Variants in ADARB2 observed in about 807,000 individuals in gnomAD.
The protein encoded by ADARB2 is inactive double-stranded RNA-specific editase B2.
In ADARB2, 25 loss-of-function variants were observed where a neutral mutation model predicts 62.2. The observed-to-expected ratio is 0.40, with a 90% CI of 0.29 to 0.56. ADARB2 has a LOEUF of 0.56. Ranked by LOEUF, ADARB2 falls within the 20% of genes least tolerant of loss-of-function variation. The pLI is 0.43. For missense variants in ADARB2, 1,071 were observed against 1,077.4 expected (o/e 0.99, Z 0.08); for synonymous variants, 572 against 500.8 (o/e 1.14, Z -1.90).
intron 1 of ADARB2, among the ~76,000 whole-genome samples, chr10:1,406,351 T>C (rs1832707862): frequency 6.6e-6 from 1 of 152,214 alleles, no homozygotes; most frequent in Non-Finnish European, 1.5e-5. Flanking sequence ...CTTGCCAAGG[T>C]ACCTGCTTTC....
intron 1 of ADARB2, among the ~76,000 whole-genome samples, chr10:1,619,652 A>G (rs1378311048): frequency 2.0e-5 from 3 of 152,158 alleles, no homozygotes; most frequent in Admixed American, 2.0e-4. Flanking sequence ...GGGTTTCACC[A>G]TGTTGGCCAG....
intron 1 of ADARB2, among the ~76,000 whole-genome samples, chr10:1,632,830 A>G (rs188203071): frequency 4.8e-4 from 73 of 152,308 alleles, no homozygotes; most frequent in African/African-American, 1.7e-3. Context: ...TGGCAACTTG[A>G]CTGGGCTTGG....
At chr10:1,376,382 G>A (rs1301223252) in intron 2 of ADARB2, among the ~76,000 whole-genome samples, 1 of 152,212 alleles carries the variant, frequency 6.6e-6, no homozygotes, top group Non-Finnish European at 1.5e-5. Flanking sequence ...GAGGCTCTGA[G>A]AGTTACATAA....
At chr10:1,736,188 G>A (rs778859671) in intron 1 of ADARB2, among the ~76,000 whole-genome samples, 1 of 152,158 alleles carries the variant, frequency 6.6e-6, no homozygotes, top group African/African-American at 2.4e-5. Context: ...GAGAAGGGTC[G>A]GCATGAGAAG....
intron 1 of ADARB2, among the ~76,000 whole-genome samples, chr10:1,437,031 C>A (rs558449260): frequency 6.6e-6 from 1 of 152,272 alleles, no homozygotes; most frequent in Admixed American, 6.5e-5. Context: ...CTAATGTATG[C>A]TGTTAGTTGC....
intron 3 of ADARB2, among the ~76,000 whole-genome samples, chr10:1,308,080 TA>T (rs1005906412): frequency 1.8e-4 from 21 of 113,856 alleles, no homozygotes; most frequent in South Asian, 4.7e-4. Flanking sequence ...TAAAGTATAA[TA>T]AAAAAAATAA....
chr10:1,230,746 A>G (rs149726807), intron 6 of ADARB2, among the ~76,000 whole-genome samples: 3 of 152,274 alleles, frequency 2.0e-5, no homozygotes, highest in South Asian at 4.1e-4. Flanking sequence ...AGGAGAGTTC[A>G]CCAAGTACCT....
At chr10:1,414,475 C>G (rs938778652) in intron 1 of ADARB2, among the ~76,000 whole-genome samples, 2 of 152,296 alleles carry the variant, frequency 1.3e-5, no homozygotes, top group East Asian at 3.9e-4. Context: ...CTTGCTGACT[C>G]CTTGCTCCTT....
intron 3 of ADARB2, among the ~76,000 whole-genome samples, chr10:1,285,249 C>CACCA (rs1032438309): frequency 6.6e-6 from 1 of 152,138 alleles, no homozygotes; most frequent in Non-Finnish European, 1.5e-5. Flanking sequence ...ATGTGTCTTG[C>CACCA]ACCAGTCTTT....
intron 1 of ADARB2, among the ~76,000 whole-genome samples, chr10:1,519,254 G>A (rs111620555): frequency 1.3e-5 from 2 of 148,740 alleles, no homozygotes; most frequent in Admixed American, 1.3e-4. Flanking sequence ...TCCATGTAAC[G>A]TCTGCATGTG....
At chr10:1,212,055 C>T (rs1005059363) in intron 7 of ADARB2, among the ~76,000 whole-genome samples, 2 of 152,218 alleles carry the variant, frequency 1.3e-5, no homozygotes, top group Non-Finnish European at 2.9e-5. Context: ...GTGTGTCCTC[C>T]TGCCGCTTCA....
chr10:1,232,140 C>A (rs1307186292), intron 6 of ADARB2, among the ~76,000 whole-genome samples: 1 of 152,224 alleles, frequency 6.6e-6, no homozygotes, highest in African/African-American at 2.4e-5. Context: ...ACACATATCA[C>A]ATACACCACA....
At chr10:1,501,964 C>A (rs116588675) in intron 1 of ADARB2, among the ~76,000 whole-genome samples, 1 of 152,198 alleles carries the variant, frequency 6.6e-6, no homozygotes, top group East Asian at 1.9e-4. Context: ...CACCACTGCA[C>A]CCGGTACCAA....
intron 3 of ADARB2, among the ~76,000 whole-genome samples, chr10:1,358,054 CAG>C (rs371620862): frequency 6.6e-6 from 1 of 152,236 alleles, no homozygotes; most frequent in Non-Finnish European, 1.5e-5. Flanking sequence ...GAGGAAGTAA[CAG>C]AGAGAGAGAC....
At chr10:1,617,078 A>C (rs1248812231) in intron 1 of ADARB2, among the ~76,000 whole-genome samples, 1 of 143,388 alleles carries the variant, frequency 7.0e-6, no homozygotes, top group African/African-American at 2.6e-5. Context: ...AGAGGGTTAC[A>C]TTCTGTCGCT....
At position 1,550,979 on chromosome 10, in the gene ADARB2, C is replaced by T. The variant is rs543201830; in HGVS notation, c.101-171819G>A. On this transcript the variant is annotated intron_variant, in intron 1 of 9. Coordinates refer to ENST00000381312, the MANE Select transcript of ADARB2 (RefSeq NM_018702.4). Reference sequence around the variant, plus strand: ...AAAAGGGGCTGTTCTGGGCTGTATTCGGCCCTGTCAAAATTCACACGTGGA... The same window carrying T: ...AAAAGGGGCTGTTCTGGGCTGTATTTGGCCCTGTCAAAATTCACACGTGGA... Among the ~76,000 whole-genome samples the T allele has an allele frequency of 1.6e-4, 24 of 152,236 alleles. No individual in the cohort carries two copies. The South Asian group carries it at 3.5e-3, about 22-fold the overall frequency.
At chr10:1,612,639 G>A (rs1368781216) in intron 1 of ADARB2, among the ~76,000 whole-genome samples, 1 of 148,964 alleles carries the variant, frequency 6.7e-6, no homozygotes, top group Non-Finnish European at 1.5e-5. Flanking sequence ...CAATATCGCA[G>A]CCCTGTGTGT....
At chr10:1,354,395 A>T (rs1420911967) in intron 3 of ADARB2, among the ~76,000 whole-genome samples, 1 of 115,162 alleles carries the variant, frequency 8.7e-6, no homozygotes, top group Non-Finnish European at 1.8e-5. Context: ...ACCCCTGCCC[A>T]CCAGAGAACA....
intron 1 of ADARB2, among the ~76,000 whole-genome samples, chr10:1,613,636 A>G (rs1183416181): frequency 6.6e-6 from 1 of 152,196 alleles, no homozygotes; most frequent in Non-Finnish European, 1.5e-5. Flanking sequence ...AATCGTGTTC[A>G]CCCATGAGCT....
Sources: allele counts gnomAD v4.1 joint callset (sites outside exome capture counted in the v4.1 genomes callset), GRCh38; gene constraint gnomAD v4.1.1; transcripts MANE v1.5; gene names NCBI Gene and HGNC (gene_info 2026-07-23, HGNC 2026-07-21).